LHFPL3: variants seen among roughly 807,000 people sequenced by gnomAD.
LHFPL3 encodes LHFPL tetraspan subfamily member 3 protein.
In LHFPL3, 5 loss-of-function variants were observed where a neutral mutation model predicts 19.3. That is an observed-to-expected ratio of 0.26 (90% CI 0.14 to 0.54). The LOEUF (loss-of-function observed/expected upper bound fraction) is 0.54, where lower values mean the gene tolerates loss of function less well. Among genes scored for constraint, LHFPL3 ranks in the 20% least tolerant of loss-of-function variants. The pLI, the probability that LHFPL3 is intolerant of heterozygous loss-of-function variation, is 0.94. For missense variants in LHFPL3, 249 were observed against 307.4 expected (o/e 0.81, Z 1.42); for synonymous variants, 133 against 126.2 (o/e 1.05, Z -0.36).
At chr7:104,459,017 C>G (rs1792607086) in intron 1 of LHFPL3, among the ~76,000 whole-genome samples, 1 of 152,252 alleles carries the variant, frequency 6.6e-6, no homozygotes. Flanking sequence ...ACAGCTCACA[C>G]AGTCAGGCTG....
intron 2 of LHFPL3, among the ~76,000 whole-genome samples, chr7:104,852,851 C>G (rs1791437646): frequency 6.8e-6 from 1 of 146,450 alleles, no homozygotes; most frequent in African/African-American, 2.5e-5. Context: ...CCTCCTCCCT[C>G]CACCCTCTTC....
chr7:104,854,301 T>G (rs1791461876), intron 2 of LHFPL3, among the ~76,000 whole-genome samples: 1 of 152,206 alleles, frequency 6.6e-6, no homozygotes, highest in African/African-American at 2.4e-5. Context: ...AGTGCATTCT[T>G]CATTGATAAG....
intron 2 of LHFPL3, among the ~76,000 whole-genome samples, chr7:104,829,454 A>G (rs1042722520): frequency 1.6e-4 from 24 of 151,752 alleles, no homozygotes; most frequent in Admixed American, 3.3e-4. Context: ...AGCATTAGGT[A>G]TATCTCCTAA....
chr7:104,422,669 A>G (rs998326606), intron 1 of LHFPL3, among the ~76,000 whole-genome samples: 2 of 152,228 alleles, frequency 1.3e-5, no homozygotes, highest in African/African-American at 4.8e-5. Flanking sequence ...TCTGAGCATC[A>G]GTTTCCTCAT....
intron 2 of LHFPL3, among the ~76,000 whole-genome samples, chr7:104,875,349 C>T (rs1791917980): frequency 6.6e-6 from 1 of 152,162 alleles, no homozygotes; most frequent in South Asian, 2.1e-4. Context: ...AATCCTCACA[C>T]CCTCCAGCCA....
chr7:104,784,832 A>G (rs542779050), intron 2 of LHFPL3, among the ~76,000 whole-genome samples: 1 of 152,236 alleles, frequency 6.6e-6, no homozygotes, highest in African/African-American at 2.4e-5. Flanking sequence ...GACAAGCCCC[A>G]TAAGATCCCA....
chr7:104,363,081 C>T (rs933313724), intron 1 of LHFPL3, among the ~76,000 whole-genome samples: 4 of 152,226 alleles, frequency 2.6e-5, no homozygotes, highest in African/African-American at 4.8e-5. Context: ...TTATAGCTAA[C>T]TTGTTGGTTT....
intron 1 of LHFPL3, among the ~76,000 whole-genome samples, chr7:104,578,797 A>G (rs1011794650): frequency 1.3e-5 from 2 of 152,218 alleles, no homozygotes; most frequent in African/African-American, 4.8e-5. Context: ...TTGATAGATG[A>G]CAGGCCATCA....
At chr7:104,715,386 T>A (rs1367172226) in intron 1 of LHFPL3, among the ~76,000 whole-genome samples, 2 of 152,232 alleles carry the variant, frequency 1.3e-5, no homozygotes, top group African/African-American at 4.8e-5. Flanking sequence ...TGAACAATTT[T>A]TTTTACCATT....
intron 2 of LHFPL3, chr7:104,845,435 T>G (rs1791295674): frequency 3.9e-6 from 6 of 1,536,000 alleles, no homozygotes; most frequent in South Asian, 1.2e-5. Context: ...ACCATGTAAG[T>G]GTGAGCATGG....
At chr7:104,903,712 C>T (rs1277803916) in intron 2 of LHFPL3, among the ~76,000 whole-genome samples, 2 of 152,128 alleles carry the variant, frequency 1.3e-5, no homozygotes, top group African/African-American at 4.8e-5. Context: ...GTGATCTGCC[C>T]ACCTTGGCCT....
At chr7:104,796,740 C>T (rs1790140625) in intron 2 of LHFPL3, 1 of 152,628 alleles carries the variant, frequency 6.6e-6, no homozygotes, top group South Asian at 2.1e-4. Context: ...CCTAAGATAA[C>T]CAGAAGTCCA....
intron 1 of LHFPL3, among the ~76,000 whole-genome samples, chr7:104,625,888 AG>A (rs1429465160): frequency 7.9e-5 from 12 of 152,228 alleles, no homozygotes; most frequent in Non-Finnish European, 1.8e-4. Flanking sequence ...TTGTTCACAT[AG>A]TACTCACATC....
intron 1 of LHFPL3, among the ~76,000 whole-genome samples, chr7:104,588,036 A>T (rs1488616721): frequency 1.3e-5 from 2 of 152,008 alleles, no homozygotes; most frequent in South Asian, 4.1e-4. Context: ...AGATGAGTAG[A>T]TTGTAAAAAT....
intron 2 of LHFPL3, among the ~76,000 whole-genome samples, chr7:104,870,033 T>C (rs1035708157): frequency 6.6e-5 from 10 of 151,702 alleles, no homozygotes; most frequent in African/African-American, 1.7e-4. Context: ...TAGGTGGGAA[T>C]TGAACAATGA....
At chr7:104,437,765 G>A (rs1235086559) in intron 1 of LHFPL3, among the ~76,000 whole-genome samples, 6 of 152,100 alleles carry the variant, frequency 3.9e-5, no homozygotes. Flanking sequence ...CTGTCTCTGG[G>A]GGCCTGCCCT....
At chr7:104,338,319 TC>T (rs1789878144) in intron 1 of LHFPL3, among the ~76,000 whole-genome samples, 1 of 152,040 alleles carries the variant, frequency 6.6e-6, no homozygotes, top group South Asian at 2.1e-4. Flanking sequence ...CAGGATGGTC[TC>T]GATCTCCTGA....
rs1791998864 is a variant in LHFPL3 at position 104,431,309 on chromosome 7, TTATTC to T, written c.445+102091_445+102095del. ...CCCCTCTGCCATAATTATGCCATTCTTATTCTATTCATTTTTATAAAATTCTTAAT... is the reference window on the plus strand; with the variant it reads ...CCCCTCTGCCATAATTATGCCATTCTTATTCATTTTTATAAAATTCTTAAT... On this transcript the variant is annotated intron_variant, in intron 1 of 2. Coordinates refer to ENST00000424859, the MANE Select transcript of LHFPL3 (RefSeq NM_199000.3). Among the ~76,000 whole-genome samples the T allele has an allele frequency of 3.3e-5, 5 of 152,352 alleles. No individual in the cohort carries two copies. The South Asian group carries it at 1.0e-3, about 32-fold the overall frequency.
At chr7:104,792,699 G>A (rs1790048040) in intron 2 of LHFPL3, among the ~76,000 whole-genome samples, 1 of 152,174 alleles carries the variant, frequency 6.6e-6, no homozygotes, top group Non-Finnish European at 1.5e-5. Context: ...GCAGAAAAAT[G>A]AGATGATCCA....
Sources: allele counts gnomAD v4.1 joint callset (sites outside exome capture counted in the v4.1 genomes callset), GRCh38; gene constraint gnomAD v4.1.1; transcripts MANE v1.5; gene names NCBI Gene and HGNC (gene_info 2026-07-23, HGNC 2026-07-21).